The following TENT4B variants were observed in gnomAD, a reference collection of about 807,000 sequenced individuals.
The protein encoded by TENT4B is terminal nucleotidyltransferase 4B.
TENT4B carries 10 observed loss-of-function variants against 75.0 expected under a neutral mutation model. That is an observed-to-expected ratio of 0.13 (90% CI 0.08 to 0.23). TENT4B has a LOEUF of 0.23. Among genes scored for constraint, TENT4B ranks in the 10% least tolerant of loss-of-function variants. The probability of loss-of-function intolerance (pLI) is 1.00; values close to 1 mark genes in which losing one functional copy is unlikely to be tolerated. For missense variants in TENT4B, 579 were observed against 893.8 expected (o/e 0.65, Z 4.49); for synonymous variants, 350 against 357.7 (o/e 0.98, Z 0.24).
intron 1 of TENT4B, among the ~76,000 whole-genome samples, chr16:50,172,574 A>G (rs183302582): frequency 1.8e-3 from 262 of 147,338 alleles, no homozygotes; most frequent in Non-Finnish European, 3.1e-3. Context: ...TAGTTTCTCT[A>G]TCTCCCTCAC....
intron 1 of TENT4B, among the ~76,000 whole-genome samples, chr16:50,178,321 T>C (rs1253315030): frequency 6.6e-6 from 1 of 151,818 alleles, no homozygotes; most frequent in Non-Finnish European, 1.5e-5. Flanking sequence ...TAGTTGGGTA[T>C]GGTGGCATAT....
At chr16:50,184,571 G>A (rs1343008400) in intron 1 of TENT4B, among the ~76,000 whole-genome samples, 4 of 152,180 alleles carry the variant, frequency 2.6e-5, no homozygotes, top group Non-Finnish European at 5.9e-5. Context: ...GGAGGCTGAG[G>A]CAGGAGAATG....
At chr16:50,157,977 G>A (rs2037933107) in intron 1 of TENT4B, among the ~76,000 whole-genome samples, 1 of 151,502 alleles carries the variant, frequency 6.6e-6, no homozygotes, top group East Asian at 2.0e-4. Flanking sequence ...TGTTGCCCAT[G>A]AAGGTCTCCA....
At position 50,233,811 on chromosome 16, in the gene TENT4B, G is replaced by A; in HGVS notation, c.*4483G>A. Reference sequence around the variant, plus strand: ...AGACAGAACCAGAGAGATGGATGTAGTGCATTCCCTTTGGTTATTACACAT... The same window carrying A: ...AGACAGAACCAGAGAGATGGATGTAATGCATTCCCTTTGGTTATTACACAT... On this transcript the variant is annotated 3_prime_UTR_variant, in exon 12 of 12. Transcript: ENST00000561678. 1 of 985,410 alleles carries A rather than the reference G, an allele frequency of 1.0e-6. No individual in the cohort carries two copies. Among genetic ancestry groups the A allele is most frequent in the South Asian group, 4.7e-5 (1 of 21,284 alleles). 61.0% of individuals were successfully genotyped at this position (985,410 alleles called of 1,614,324 possible).
rs2032372723 is a variant in TENT4B at position 50,233,946 on chromosome 16, A to G, written c.*4618A>G. ...GTGTATTTCAGTGAACATTTTTATT[A>G]GTAGTTGCATATCATCTCTAGTTCC... is the stretch of plus-strand genomic sequence containing the variant. On this transcript the variant is annotated 3_prime_UTR_variant, in exon 12 of 12. Coordinates refer to ENST00000561678, the MANE Select transcript of TENT4B (RefSeq NM_001365324.3). 5 of 985,348 alleles carry G rather than the reference A, an allele frequency of 5.1e-6. No individual in the cohort carries two copies. Among genetic ancestry groups the G allele is most frequent in the South Asian group, 4.7e-5 (1 of 21,294 alleles). 61.0% of individuals were successfully genotyped at this position (985,348 alleles called of 1,614,324 possible). A position where few individuals can be genotyped will look rare whatever the true frequency, so the allele number is the denominator to read the frequency against.
rs2032308186 is a variant in TENT4B, at chr16:50,231,906, TCC to T, written c.*2579_*2580del. Reference sequence around the variant, plus strand: ...TATTTCTTTTTTGAGTTTTAATACTTCCTATATTTTGTGAATATATCAGAAAT... The same window carrying T: ...TATTTCTTTTTTGAGTTTTAATACTTTATATTTTGTGAATATATCAGAAAT... On this transcript the variant is annotated 3_prime_UTR_variant, in exon 12 of 12. Transcript: ENST00000561678. 1 of 979,344 alleles carries T rather than the reference TCC, an allele frequency of 1.0e-6. No individual in the cohort carries two copies. The highest frequency in any genetic ancestry group is 1.8e-5 in the African/African-American group (1 of 57,116). The allele number at this position is 979,344 out of a possible 1,614,324, so 60.7% of individuals were successfully genotyped here. A position where few individuals can be genotyped will look rare whatever the true frequency, so the allele number is the denominator to read the frequency against.
At chr16:50,190,083 A>G (rs1167279070) in intron 1 of TENT4B, among the ~76,000 whole-genome samples, 1 of 113,484 alleles carries the variant, frequency 8.8e-6, no homozygotes, top group Non-Finnish European at 2.0e-5. Flanking sequence ...TTCAAAAAAA[A>G]AAAAAAAAAA....
intron 3 of TENT4B, among the ~76,000 whole-genome samples, chr16:50,215,530 A>G (rs554394144): frequency 6.6e-6 from 1 of 152,260 alleles, no homozygotes; most frequent in Non-Finnish European, 1.5e-5. Flanking sequence ...ACAAAAATCA[A>G]TACAGGGAAA....
At chr16:50,196,252 A>T (rs535475870) in intron 1 of TENT4B, among the ~76,000 whole-genome samples, 1 of 152,302 alleles carries the variant, frequency 6.6e-6, no homozygotes, top group Non-Finnish European at 1.5e-5. Context: ...TCATCCTGTG[A>T]TCTGCTGGTT....
chr16:50,209,546 C>G lies in TENT4B; in HGVS notation c.639-1777C>G, dbSNP rs115862931. On this transcript the variant is annotated intron_variant, in intron 1 of 11. Coordinates refer to ENST00000561678, the MANE Select transcript of TENT4B (RefSeq NM_001365324.3). ...CTTCTGGATTCACCTACAGACCTCT[C>G]TGGAGTTTTAAGATCCACGTTTTAT... Among the ~76,000 whole-genome samples, 337 of 152,358 alleles carry G rather than the reference C, an allele frequency of 2.2e-3. 1 individual carries two copies. The highest frequency in any genetic ancestry group is 7.7e-3 in the African/African-American group (321 of 41,584).
chr16:50,170,737 G>A (rs947565590), intron 1 of TENT4B, among the ~76,000 whole-genome samples: 8 of 151,928 alleles, frequency 5.3e-5, no homozygotes, highest in African/African-American at 1.9e-4. Flanking sequence ...CATGATCTCG[G>A]TTCACCACAA....
chr16:50,222,257 A>G, intron 5 of TENT4B, 49 bp from the exon 6 acceptor site: 1 of 1,520,226 alleles, frequency 6.6e-7, no homozygotes, highest in East Asian at 2.4e-5. Context: ...TAATGCTTAG[A>G]TCTGTTGCTG....
At chr16:50,171,045 C>G (rs1381275641) in intron 1 of TENT4B, among the ~76,000 whole-genome samples, 1 of 151,914 alleles carries the variant, frequency 6.6e-6, no homozygotes, top group African/African-American at 2.4e-5. Context: ...CGTCCTCCTA[C>G]CTTAGCCTCC....
At chr16:50,180,235 C>A (rs780990817) in intron 1 of TENT4B, among the ~76,000 whole-genome samples, 1 of 152,044 alleles carries the variant, frequency 6.6e-6, no homozygotes, top group Non-Finnish European at 1.5e-5. Context: ...TCCTGAGTAG[C>A]TGAGATTACA....
At chr16:50,190,464 C>G (rs1297089414) in intron 1 of TENT4B, among the ~76,000 whole-genome samples, 1 of 152,120 alleles carries the variant, frequency 6.6e-6, no homozygotes, top group Non-Finnish European at 1.5e-5. Flanking sequence ...GTTGAACATT[C>G]AGTCCTCATG....
intron 5 of TENT4B, 42 bp downstream of exon 5, chr16:50,217,705 G>T: frequency 1.7e-6 from 2 of 1,159,278 alleles, no homozygotes; most frequent in Non-Finnish European, 1.2e-6. Context: ...TATTAGAAAC[G>T]TAATTTTAAG....
intron 1 of TENT4B, among the ~76,000 whole-genome samples, chr16:50,210,614 TTGA>T (rs1358515105): frequency 1.7e-4 from 26 of 152,368 alleles, no homozygotes; most frequent in African/African-American, 6.3e-4. Context: ...TGCTGCATTT[TTGA>T]AGTCAGTCTC....
chr16:50,225,988 G>GTT (rs998734618), intron 10 of TENT4B, among the ~76,000 whole-genome samples: 10 of 148,412 alleles, frequency 6.7e-5, no homozygotes, highest in African/African-American at 2.2e-4. Flanking sequence ...GGCCTTTAAC[G>GTT]TTTTTCTTTT....
chr16:50,203,150 G>A (rs1375173041), intron 1 of TENT4B, among the ~76,000 whole-genome samples: 1 of 152,168 alleles, frequency 6.6e-6, no homozygotes, highest in Non-Finnish European at 1.5e-5. Flanking sequence ...TGTTGTAAAT[G>A]CCTGCAGCAT....
Sources: gnomAD v4.1 joint callset for allele counts (sites outside exome capture counted in the v4.1 genomes callset) on GRCh38, gnomAD v4.1.1 for gene constraint, MANE v1.5 for transcripts, NCBI Gene and HGNC (gene_info 2026-07-23, HGNC 2026-07-21) for gene names.